Variants in FYTTD1 observed in about 807,000 individuals in gnomAD.
FYTTD1 encodes forty-two-three domain containing 1.
FYTTD1 carries 22 observed loss-of-function variants against 40.9 expected under a neutral mutation model. The observed-to-expected ratio is 0.54, with a 90% confidence interval of 0.38 to 0.77. The LOEUF is 0.77. FYTTD1 is among the 30% of genes least tolerant of loss of function. The probability of loss-of-function intolerance (pLI) is 0.00; values close to 1 mark genes in which losing one functional copy is unlikely to be tolerated. For missense variants in FYTTD1, 351 were observed against 392.2 expected, an observed-to-expected ratio of 0.90 and a Z score of 0.89; for synonymous variants, 140 against 137.9, an observed-to-expected ratio of 1.01 and a Z score of -0.10.
At chr3:197,780,903 C>T (rs1730012107) in intron 8 of FYTTD1, among the ~76,000 whole-genome samples, 1 of 151,834 alleles carries the variant, frequency 6.6e-6, no homozygotes, top group Non-Finnish European at 1.5e-5. Flanking sequence ...GAGGAAGCTC[C>T]CTTCTATTCC....
At position 197,756,506 on chromosome 3, in the gene FYTTD1, G is replaced by T. The variant is rs1367029627; in HGVS notation, c.184G>T (p.Gly62Cys). 1 of 1,613,242 alleles carries T rather than the reference G, an allele frequency of 6.2e-7. No homozygotes were observed. The highest frequency in any genetic ancestry group is 8.5e-7 in the Non-Finnish European group (1 of 1,179,312). The change falls in exon 2 of 9, where the codon GGT becomes TGT. Residue 62 changes from glycine (G) to cysteine (C), a missense_variant. Physicochemically the swap from Gly to Cys is radical, Grantham distance 159. Coordinates refer to ENST00000241502, the MANE Select transcript of FYTTD1 (RefSeq NM_032288.7). ...AAATAGAAGACTCCTCCAGCAAAGT[G>T]GTGCCCAGCAATTCAGGATGAGAGT... The part of the protein sequence containing the change: ...RLNRRLLQQS[G>C]AQQFRMRVRW...
At chr3:197,779,692 A>G (rs1391164029) in intron 8 of FYTTD1, among the ~76,000 whole-genome samples, 1 of 150,690 alleles carries the variant, frequency 6.6e-6, no homozygotes, top group Non-Finnish European at 1.5e-5. Flanking sequence ...ACACCACCAC[A>G]CCCAGGGATT....
At chr3:197,750,352 C>T (rs934715515) in intron 1 of FYTTD1, 33 of 1,134,980 alleles carry the variant, frequency 2.9e-5, no homozygotes, top group Non-Finnish European at 3.6e-5. Flanking sequence ...CGAAGGTTCG[C>T]AGGGTCGCGG....
At position 197,756,560 on chromosome 3, in the gene FYTTD1, A is replaced by T. The variant is rs1390422614; in HGVS notation, c.235+3A>T. ...ATGGGGAATCCAACAGAATTCTGGT[A>T]AGTTTTGAAAGTAAGCTTTAATGGA... is the stretch of plus-strand genomic sequence containing the variant. On this transcript the variant is annotated splice_donor_region_variant and intron_variant, in intron 2 of 8. Coordinates refer to ENST00000241502, the MANE Select transcript of FYTTD1 (RefSeq NM_032288.7). 1 of 1,612,762 alleles carries T rather than the reference A, an allele frequency of 6.2e-7. No individual in the cohort carries two copies. The highest frequency in any genetic ancestry group is 1.3e-5 in the African/African-American group (1 of 75,032).
chr3:197,753,480 T>C (rs1456388040), intron 1 of FYTTD1, among the ~76,000 whole-genome samples: 1 of 152,170 alleles, frequency 6.6e-6, no homozygotes, highest in Non-Finnish European at 1.5e-5. Context: ...TTACCATGTA[T>C]ATTCCTCTAG....
At chr3:197,762,018 G>C (rs1018812343) in intron 2 of FYTTD1, among the ~76,000 whole-genome samples, 3 of 152,214 alleles carry the variant, frequency 2.0e-5, no homozygotes, top group Non-Finnish European at 4.4e-5. Flanking sequence ...TTGTGTGGCA[G>C]AAAGAAGGCT....
At position 197,761,166 on chromosome 3, in the gene FYTTD1, T is replaced by C. The variant is rs147790661; in HGVS notation, c.235+4609T>C. Among the ~76,000 whole-genome samples the C allele has an allele frequency of 2.6e-3, 395 of 152,014 alleles. 2 individuals carry two copies. Among genetic ancestry groups the C allele is most frequent in the African/African-American group, 9.1e-3 (377 of 41,412 alleles). ...AGAGTTGTTCTTCAATAGTAGGATGTATAGAGTTGTTTCTCAGTGGTAGAA... is the reference window on the plus strand; with the variant it reads ...AGAGTTGTTCTTCAATAGTAGGATGCATAGAGTTGTTTCTCAGTGGTAGAA... On this transcript the variant is annotated intron_variant, in intron 2 of 8. Coordinates refer to ENST00000241502, the MANE Select transcript of FYTTD1 (RefSeq NM_032288.7).
intron 2 of FYTTD1, among the ~76,000 whole-genome samples, chr3:197,767,788 G>A (rs923160608): frequency 6.6e-6 from 1 of 152,232 alleles, no homozygotes; most frequent in Non-Finnish European, 1.5e-5. Context: ...ATATGTAATG[G>A]AAAACCAAAG....
intron 1 of FYTTD1, among the ~76,000 whole-genome samples, chr3:197,754,435 G>A (rs186070750): frequency 5.3e-5 from 8 of 152,168 alleles, no homozygotes; most frequent in Non-Finnish European, 5.9e-5. Flanking sequence ...TTAGAGATTG[G>A]TTAGGTAGAA....
At chr3:197,773,813 A>G (rs1030611455) in intron 5 of FYTTD1, among the ~76,000 whole-genome samples, 88 of 150,572 alleles carry the variant, frequency 5.8e-4, no homozygotes, top group African/African-American at 2.2e-3. Context: ...ACTCACGCAC[A>G]CACCCCACTG....
rs145575875 is a variant in FYTTD1, at chr3:197,774,243, T to G, written c.656+33T>G. The G allele has an allele frequency of 4.6e-4, 716 of 1,546,034 alleles. 3 individuals are homozygous for G. The African/African-American group carries it at 9.0e-3, about 20-fold the overall frequency. On this transcript the variant is annotated intron_variant, in intron 6 of 8. Coordinates refer to ENST00000241502, the MANE Select transcript of FYTTD1 (RefSeq NM_032288.7). Reference sequence around the variant, plus strand: ...TCCATTTGTTTTTTAAGATGTTATTTCAAAACTCCCAGAATACTAACTACC... The same window carrying G: ...TCCATTTGTTTTTTAAGATGTTATTGCAAAACTCCCAGAATACTAACTACC...
chr3:197,776,876 G>C (rs1307147525), intron 6 of FYTTD1, 51 bp from the exon 7 acceptor site: 1 of 1,184,596 alleles, frequency 8.4e-7, no homozygotes, highest in Admixed American at 1.8e-5. Flanking sequence ...AATATACATA[G>C]GGTTTATCAA....
At chr3:197,750,664 GA>G in intron 1 of FYTTD1, 2 of 985,514 alleles carry the variant, frequency 2.0e-6, no homozygotes, top group Non-Finnish European at 2.4e-6. Flanking sequence ...GCGTCTGTCA[GA>G]AAGGAAGCAG....
rs777412005 is a variant in FYTTD1, at chr3:197,783,767, A to G, written c.*1858A>G. ...TGCTGTCTTTAGAATGGTTTGTGAA[A>G]ATATGGTATAAAGGTGTTTTCATTT... On this transcript the variant is annotated 3_prime_UTR_variant, in exon 9 of 9. Transcript: ENST00000241502. 6 of 152,330 alleles carry G rather than the reference A, an allele frequency of 3.9e-5. No homozygotes were observed. The highest frequency in any genetic ancestry group is 5.9e-5 in the Non-Finnish European group (4 of 68,040). The allele number at this position is 152,330 out of a possible 1,614,324, so 9.4% of individuals were successfully genotyped here.
intron 1 of FYTTD1, chr3:197,755,661 T>C: frequency 2.7e-6 from 1 of 365,164 alleles, no homozygotes; most frequent in Admixed American, 4.6e-5. Flanking sequence ...TATTTATTTG[T>C]ATTTTTAGTA....
At chr3:197,773,751 T>G (rs1310150635) in intron 5 of FYTTD1, among the ~76,000 whole-genome samples, 1 of 152,268 alleles carries the variant, frequency 6.6e-6, no homozygotes, top group Non-Finnish European at 1.5e-5. Context: ...CGTTCTCATG[T>G]AGGAATTCCA....
intron 3 of FYTTD1, among the ~76,000 whole-genome samples, chr3:197,769,648 C>T (rs1026319463): frequency 8.5e-5 from 13 of 152,130 alleles, no homozygotes; most frequent in African/African-American, 2.9e-4. Flanking sequence ...ACTCCAGCGT[C>T]TTTGCTGTCA....
At chr3:197,755,605 C>T (rs1426827913) in intron 1 of FYTTD1, 3 of 217,924 alleles carry the variant, frequency 1.4e-5, no homozygotes, top group African/African-American at 7.3e-5. Flanking sequence ...ACCGCCATAC[C>T]CGGCTAATTT....
chr3:197,759,254 A>T (rs567690514), intron 2 of FYTTD1, among the ~76,000 whole-genome samples: 2 of 139,280 alleles, frequency 1.4e-5, no homozygotes, highest in Admixed American at 7.1e-5. Flanking sequence ...AGTGGTAGAA[A>T]GTATAGAGTT....
Sources: allele counts gnomAD v4.1 joint callset (sites outside exome capture counted in the v4.1 genomes callset), GRCh38; gene constraint gnomAD v4.1.1; transcripts MANE v1.5; gene names NCBI Gene and HGNC (gene_info 2026-07-23, HGNC 2026-07-21).